ZWINT: variants seen among roughly 807,000 people sequenced by gnomAD.
ZWINT encodes the protein outer kinetochore KNL1 complex subunit ZWINT.
Under a neutral mutation model 41.5 loss-of-function variants are expected in ZWINT, and 41 were observed. That is an observed-to-expected ratio of 0.99 (90% CI 0.77 to 1.28). The LOEUF is 1.28. Among genes scored for constraint, ZWINT ranks in the 50% most tolerant of loss-of-function variants. The pLI, the probability that ZWINT is intolerant of heterozygous loss-of-function variation, is 0.00. For missense variants in ZWINT, 369 were observed against 329.7 expected, an observed-to-expected ratio of 1.12 and a Z score of -0.92; for synonymous variants, 132 against 126.8, an observed-to-expected ratio of 1.04 and a Z score of -0.28.
At chr10:56,361,269 C>G (rs1377174081), upstream of ZWINT, 3 of 1,606,686 alleles carry the variant, frequency 1.9e-6, no homozygotes, top group Non-Finnish European at 2.5e-6. Flanking sequence ...TGCCTTCCCA[C>G]AATCCCTAAG....
In ZWINT at chr10:56,358,586, G is replaced by C; in HGVS notation, c.762C>G (p.Thr254=). Residue 254 remains threonine (T), a synonymous_variant, in exon 7 of 9, where the codon ACC becomes ACG. Transcript: ENST00000373944. The part of the protein sequence containing the change: ...TRPQEQSTGD[T]MGRDPGVSFK... Reference sequence around the variant, plus strand: ...AGGACACACCAGGGTCTCTCCCCATGGTGTCTCCTGTACTCTGCTCCTGGG... The same window carrying C: ...AGGACACACCAGGGTCTCTCCCCATCGTGTCTCCTGTACTCTGCTCCTGGG... 6.2e-7 allele frequency: 1 copy of C among 1,614,052 alleles called. No homozygotes were observed. The highest frequency in any genetic ancestry group is 1.1e-5 in the South Asian group (1 of 91,068).
intron 1 of ZWINT, among the ~76,000 whole-genome samples, chr10:56,360,648 T>C (rs79941611): frequency 0.032 from 4,925 of 152,050 alleles, 163 homozygotes; most frequent in East Asian, 0.1. Context: ...GAGCTGAAAT[T>C]TTAAATAGGG....
At position 56,361,185 on chromosome 10, in the gene ZWINT, C is replaced by G. The variant is rs1838326653; in HGVS notation, c.41+11G>C. ...CCCGGCCCCAGCTGCCACTTAGCCG[C>G]AAACACTTACTCTAGGGCTGCAGCT... On this transcript the variant is annotated intron_variant, in intron 1 of 8. Coordinates refer to ENST00000373944, the MANE Select transcript of ZWINT (RefSeq NM_007057.4). The G allele has an allele frequency of 6.2e-7, 1 of 1,613,330 alleles. No individual in the cohort carries two copies. The highest frequency in any genetic ancestry group is 1.1e-5 in the South Asian group (1 of 91,036).
rs948177088 is a variant in ZWINT, at chr10:56,357,986, T to C, written c.*241A>G. On this transcript the variant is annotated 3_prime_UTR_variant, in exon 9 of 9. Transcript: ENST00000373944. ...TTCAAACCAGTCCCAGCTCCTGTCA[T>C]GTTATTGGCTTCTGAGTATCTGTAT... 1 of 479,784 alleles carries C rather than the reference T, an allele frequency of 2.1e-6. No individual in the cohort carries two copies. The highest frequency in any genetic ancestry group is 4.2e-6 in the Non-Finnish European group (1 of 235,382). The allele number at this position is 479,784 out of a possible 1,614,324, so 29.7% of individuals were successfully genotyped here.
At position 56,357,361 on chromosome 10, in the gene ZWINT, G is replaced by A. The variant is rs1838189817; in HGVS notation, c.*866C>T. ...CAAATTATTTTTCAAAGAAATTTATGAATCAATGAAATAATTATAACAGAA... is the reference window on the plus strand; with the variant it reads ...CAAATTATTTTTCAAAGAAATTTATAAATCAATGAAATAATTATAACAGAA... On this transcript the variant is annotated 3_prime_UTR_variant, in exon 9 of 9. Transcript: ENST00000373944. 6.6e-6 allele frequency: 1 copy of A among 152,102 alleles called. No individual in the cohort carries two copies. The highest frequency in any genetic ancestry group is 1.5e-5 in the Non-Finnish European group (1 of 67,982). The allele number at this position is 152,102 out of a possible 1,614,324, so 9.4% of individuals were successfully genotyped here. A position where few individuals can be genotyped will look rare whatever the true frequency, so the allele number is the denominator to read the frequency against.
At chr10:56,359,326 G>C in intron 5 of ZWINT, 150 bp downstream of exon 5, 1 of 714,594 alleles carries the variant, frequency 1.4e-6, no homozygotes, top group Non-Finnish European at 2.2e-6. Flanking sequence ...TCATGCAGTG[G>C]TAAGTGGTGA....
At position 56,359,858 on chromosome 10, in the gene ZWINT, G is replaced by T. The variant is rs201617790; in HGVS notation, c.257-5C>A. The T allele has an allele frequency of 6.2e-7, 1 of 1,614,006 alleles. No homozygotes were observed. The highest frequency in any genetic ancestry group is 8.5e-7 in the Non-Finnish European group (1 of 1,179,980). ...TAGCTGCAATTGCCTTCTGTCCTGA[G>T]ATGAGCCACCAGGAATGAGTACATG... On this transcript the variant is annotated splice_polypyrimidine_tract_variant and splice_region_variant and intron_variant, in intron 3 of 8. Coordinates refer to ENST00000373944, the MANE Select transcript of ZWINT (RefSeq NM_007057.4).
rs149460052 is a variant in ZWINT at position 56,358,601 on chromosome 10, C to G, written c.747G>C (p.Gln249His). 1 of 1,614,074 alleles carries G rather than the reference C, an allele frequency of 6.2e-7. No homozygotes were observed. Among genetic ancestry groups the G allele is most frequent in the African/African-American group, 1.3e-5 (1 of 74,922 alleles). The change falls in exon 7 of 9, where the codon CAG (glutamine) becomes CAC (histidine). Residue 249 changes from glutamine to histidine, a missense_variant. Coordinates refer to ENST00000373944, the MANE Select transcript of ZWINT (RefSeq NM_007057.4). ...KPQQPTRPQE[Q>H]STGDTMGRDP... ...CTCTCCCCATGGTGTCTCCTGTACT[C>G]TGCTCCTGGGGTCGAGTCGGCTGCT...
chr10:56,359,551 G>A lies in ZWINT; in HGVS notation c.424-19C>T, dbSNP rs1393145522. ...TTTGTTTCTACAGATAAGCAAGGGA[G>A]AAAGACCAAGAGAAGTCTATTTTTT... is the stretch of plus-strand genomic sequence containing the variant. On this transcript the variant is annotated intron_variant, in intron 4 of 8. Coordinates refer to ENST00000373944, the MANE Select transcript of ZWINT (RefSeq NM_007057.4). The A allele has an allele frequency of 6.4e-7, 1 of 1,558,480 alleles. No individual in the cohort carries two copies. Among genetic ancestry groups the A allele is most frequent in the East Asian group, 2.2e-5 (1 of 44,510 alleles).
In ZWINT at chr10:56,358,393, C is replaced by G; in HGVS notation, c.*25G>C. On this transcript the variant is annotated 3_prime_UTR_variant, in exon 8 of 9. Transcript: ENST00000373944. ...GGGTCTGACCTTTTCTAGGATCTTTCTCCATGCTGCTGTCCTCCAGGAAGT... is the reference window on the plus strand; with the variant it reads ...GGGTCTGACCTTTTCTAGGATCTTTGTCCATGCTGCTGTCCTCCAGGAAGT... The G allele has an allele frequency of 6.2e-7, 1 of 1,614,128 alleles. No homozygotes were observed. Among genetic ancestry groups the G allele is most frequent in the East Asian group, 2.2e-5 (1 of 44,882 alleles).
rs199782570 is a variant in ZWINT at position 56,360,147 on chromosome 10, C to T, written c.133-6G>A. ...TTGTCTTTCTTCTGAGAGTCCTGCT[C>T]AGAGGGAGGGCAGAGACAGGGAACA... On this transcript the variant is annotated splice_region_variant and splice_polypyrimidine_tract_variant and intron_variant, in intron 2 of 8. Transcript: ENST00000373944. 1.9e-6 allele frequency: 3 copies of T among 1,613,826 alleles called. No homozygotes were observed. The highest frequency in any genetic ancestry group is 2.2e-5 in the East Asian group (1 of 44,876).
At chr10:56,360,514 G>T in intron 1 of ZWINT, 131 bp from the exon 2 acceptor site, 1 of 768,894 alleles carries the variant, frequency 1.3e-6, no homozygotes. Flanking sequence ...CTTGACCAGA[G>T]TTTACACAAG....
intron 5 of ZWINT, 102 bp downstream of exon 5, chr10:56,359,374 G>GC: frequency 9.3e-7 from 1 of 1,070,656 alleles, no homozygotes; most frequent in Non-Finnish European, 1.3e-6. Flanking sequence ...TTATATTATA[G>GC]TGCCTCAAAG....
intron 1 of ZWINT, 135 bp downstream of exon 1, chr10:56,361,061 T>C: frequency 4.2e-6 from 4 of 941,450 alleles, no homozygotes; most frequent in Non-Finnish European, 6.3e-6. Flanking sequence ...AAGACGGGAC[T>C]GCGGTGAGGA....
At chr10:56,359,068 A>G (rs1263721338) in intron 5 of ZWINT, 121 bp from the exon 6 acceptor site, 3 of 1,227,996 alleles carry the variant, frequency 2.4e-6, no homozygotes, top group South Asian at 2.9e-5. Flanking sequence ...GAGGGACTCT[A>G]TTCACTTCAG....
Position 56,359,935 on chromosome 10 carries a change from A to G in ZWINT, c.257-82T>C, listed in dbSNP as rs542041041. On this transcript the variant is annotated intron_variant, in intron 3 of 8. Transcript: ENST00000373944. The stretch of plus-strand genomic sequence containing the variant: ...CCCTGCAACACTGGGCCTCCTTCCC[A>G]TCAGCCAAATGGGAGACCTAACTGA... 5.5e-4 allele frequency: 877 copies of G among 1,605,826 alleles called. 2 individuals are homozygous for G. The highest frequency in any genetic ancestry group is 4.2e-3 in the East Asian group (187 of 44,680).
chr10:56,360,509 C>G, intron 1 of ZWINT, 126 bp from the exon 2 acceptor site: 1 of 800,360 alleles, frequency 1.2e-6, no homozygotes, highest in South Asian at 1.8e-5. Context: ...CTTGCCTTGA[C>G]CAGAGTTTAC....
Position 56,358,722 on chromosome 10 carries a change from T to TA in ZWINT, c.625dup (p.Tyr209LeufsTer14). On this transcript the variant is annotated frameshift_variant and splice_region_variant, in exon 7 of 9. Coordinates refer to ENST00000373944, the MANE Select transcript of ZWINT (RefSeq NM_007057.4). LOFTEE classifies it high-confidence loss of function. Reference sequence around the variant, plus strand: ...ATACAGAAGCTGGAGGAAGGTCTGATACCTACAAAGAGGAGGTAAGTGTGA... The same window carrying TA: ...ATACAGAAGCTGGAGGAAGGTCTGATAACCTACAAAGAGGAGGTAAGTGTGA... 1 of 1,614,158 alleles carries TA rather than the reference T, an allele frequency of 6.2e-7. No individual in the cohort carries two copies. The highest frequency in any genetic ancestry group is 8.5e-7 in the Non-Finnish European group (1 of 1,180,018).
At position 56,361,215 on chromosome 10, in the gene ZWINT, C is replaced by A. The variant is rs1554799233; in HGVS notation, c.22G>T (p.Ala8Ser). 2 of 1,613,100 alleles carry A rather than the reference C, an allele frequency of 1.2e-6. No individual in the cohort carries two copies. Among genetic ancestry groups the A allele is most frequent in the South Asian group, 2.2e-5 (2 of 91,044 alleles). Residue 8 changes from alanine to serine, a missense_variant, in exon 1 of 9, where the codon GCG (alanine) becomes TCG (serine). Transcript: ENST00000373944. Reference sequence around the variant, plus strand: ...ACTTACTCTAGGGCTGCAGCTTCCGCCTCTGTCTCCGCTGCCTCCATCTTT... The same window carrying A: ...ACTTACTCTAGGGCTGCAGCTTCCGACTCTGTCTCCGCTGCCTCCATCTTT... MEAAETE[A>S]EAAALEVLAE...
Sources: allele counts gnomAD v4.1 joint callset (sites outside exome capture counted in the v4.1 genomes callset), GRCh38; gene constraint gnomAD v4.1.1; transcripts MANE v1.5; gene names NCBI Gene and HGNC (gene_info 2026-07-23, HGNC 2026-07-21).